GDPD4: variants seen among roughly 807,000 people sequenced by gnomAD.
The protein encoded by GDPD4 is glycerophosphodiester phosphodiesterase domain containing 4, also known as glycerophosphodiester phosphodiesterase 6.
In GDPD4, 60 loss-of-function variants were observed where a neutral mutation model predicts 67.8. The ratio of observed to expected loss-of-function variants is 0.88; its 90% CI spans 0.72 to 1.10. The LOEUF is 1.10. Among genes scored for constraint, GDPD4 ranks in the 50% least tolerant of loss-of-function variants. The pLI is 0.00. For missense variants in GDPD4, 623 were observed against 613.9 expected, an observed-to-expected ratio of 1.01 and a Z score of -0.16; for synonymous variants, 212 against 210.9, an observed-to-expected ratio of 1.00 and a Z score of -0.04.
chr11:77,230,283 A>G (rs1958428109), intron 14 of GDPD4, among the ~76,000 whole-genome samples: 2 of 152,202 alleles, frequency 1.3e-5, no homozygotes, highest in African/African-American at 2.4e-5. Context: ...TTGTTTCCCA[A>G]ATGGCTTAAG....
chr11:77,284,973 T>G, intron 3 of GDPD4, 112 bp downstream of exon 3: 1 of 784,946 alleles, frequency 1.3e-6, no homozygotes, highest in Non-Finnish European at 2.2e-6. Context: ...AAGCCCAGTT[T>G]TGTCCGCCTT....
intron 10 of GDPD4, among the ~76,000 whole-genome samples, chr11:77,264,791 G>A (rs112777406): frequency 2.6e-5 from 4 of 152,080 alleles, no homozygotes; most frequent in African/African-American, 4.8e-5. Flanking sequence ...AAAATATGAC[G>A]GCAGGAGACC....
intron 10 of GDPD4, among the ~76,000 whole-genome samples, chr11:77,262,671 T>C (rs531394510): frequency 3.3e-5 from 5 of 151,944 alleles, no homozygotes; most frequent in Admixed American, 6.6e-5. Flanking sequence ...CATGAGAATA[T>C]AGTTTCTTCA....
chr11:77,245,017 T>C (rs188273463), intron 12 of GDPD4, among the ~76,000 whole-genome samples: 2 of 152,326 alleles, frequency 1.3e-5, no homozygotes, highest in African/African-American at 4.8e-5. Context: ...ATTACACATA[T>C]TCCTCTTTAA....
At chr11:77,220,723 ATGAG>A in intron 16 of GDPD4, among the ~76,000 whole-genome samples, 1 of 152,320 alleles carries the variant, frequency 6.6e-6, no homozygotes, top group Middle Eastern at 3.4e-3. Context: ...GCCTCATAAA[ATGAG>A]TGAGGGAGGA....
chr11:77,276,150 AGATGTCCTAC>A lies in GDPD4; in HGVS notation c.207+1_207+10del. 1 of 1,607,748 alleles carries A rather than the reference AGATGTCCTAC, an allele frequency of 6.2e-7. No individual in the cohort carries two copies. Among genetic ancestry groups the A allele is most frequent in the South Asian group, 1.1e-5 (1 of 90,960 alleles). ...GGTCTAAGGTTTCCTATGTGGACTC[AGATGTCCTAC>A]CTTATGACACAAGTGCAGGTATAGT... On this transcript the variant is annotated splice_donor_variant and splice_donor_5th_base_variant and intron_variant, in intron 5 of 16. Transcript: ENST00000315938. LOFTEE classifies it high-confidence loss of function.
intron 16 of GDPD4, among the ~76,000 whole-genome samples, chr11:77,225,757 G>A (rs892564104): frequency 2.0e-5 from 3 of 152,098 alleles, no homozygotes; most frequent in Non-Finnish European, 4.4e-5. Context: ...GCATCAGTAG[G>A]TGCAGCAGTA....
intron 16 of GDPD4, among the ~76,000 whole-genome samples, chr11:77,226,556 G>GACTT (rs1958342257): frequency 6.6e-6 from 1 of 152,132 alleles, no homozygotes; most frequent in South Asian, 2.1e-4. Flanking sequence ...CCTTGATCTG[G>GACTT]GATTTCTAGC....
intron 3 of GDPD4, among the ~76,000 whole-genome samples, chr11:77,280,665 T>G (rs1437924690): frequency 6.6e-6 from 1 of 152,338 alleles, no homozygotes; most frequent in East Asian, 1.9e-4. Flanking sequence ...TAAATATTAC[T>G]ATTAGTTTGC....
At position 77,243,679 on chromosome 11, in the gene GDPD4, T is replaced by A. The variant is rs1186131301; in HGVS notation, c.1241+15A>T. On this transcript the variant is annotated intron_variant, in intron 13 of 16. Transcript: ENST00000315938. ...AAGGCAATATGTGCCAAGAGAGGTGTGGTCAAACACTTACCTTAACCCATT... is the reference window on the plus strand; with the variant it reads ...AAGGCAATATGTGCCAAGAGAGGTGAGGTCAAACACTTACCTTAACCCATT... The A allele has an allele frequency of 1.2e-6, 2 of 1,603,526 alleles. No homozygotes were observed. The highest frequency in any genetic ancestry group is 1.7e-6 in the Non-Finnish European group (2 of 1,170,798).
intron 5 of GDPD4, among the ~76,000 whole-genome samples, chr11:77,272,198 C>T (rs1959249323): frequency 6.6e-6 from 1 of 152,092 alleles, no homozygotes; most frequent in South Asian, 2.1e-4. Context: ...GAAATATTTC[C>T]AATCTTTAAC....
At chr11:77,223,095 A>G (rs1054959552) in intron 16 of GDPD4, among the ~76,000 whole-genome samples, 1 of 152,076 alleles carries the variant, frequency 6.6e-6, no homozygotes, top group Admixed American at 6.5e-5. Context: ...TCTTCTCTAC[A>G]CTGTTTATTC....
chr11:77,224,474 A>G (rs1958288540), intron 16 of GDPD4, among the ~76,000 whole-genome samples: 1 of 152,222 alleles, frequency 6.6e-6, no homozygotes, highest in Admixed American at 6.5e-5. Context: ...CTGGAGAGAT[A>G]TTCTGTTGTT....
At chr11:77,279,940 A>C (rs1959680671) in intron 3 of GDPD4, among the ~76,000 whole-genome samples, 1 of 152,224 alleles carries the variant, frequency 6.6e-6, no homozygotes, top group Non-Finnish European at 1.5e-5. Context: ...AAGAAATTTG[A>C]ATCTTCATCT....
intron 4 of GDPD4, 49 bp from the exon 5 acceptor site, chr11:77,276,269 G>A: frequency 2.8e-6 from 4 of 1,423,602 alleles, no homozygotes; most frequent in Non-Finnish European, 4.0e-6. Flanking sequence ...TCACCAAGTT[G>A]CCACCCAAAG....
intron 13 of GDPD4, among the ~76,000 whole-genome samples, chr11:77,235,965 C>CAAAAAA (rs60173558): frequency 8.2e-6 from 1 of 122,452 alleles, no homozygotes. Flanking sequence ...CTATTAAAAA[C>CAAAAAA]AAAAAAAAAA....
chr11:77,267,500 C>T (rs577639599), intron 10 of GDPD4, among the ~76,000 whole-genome samples: 4 of 152,208 alleles, frequency 2.6e-5, no homozygotes, highest in African/African-American at 4.8e-5. Context: ...TTAGCCATAC[C>T]GATAGATGAG....
chr11:77,298,198 C>CA (rs1938041357), intron 1 of GDPD4, among the ~76,000 whole-genome samples: 2 of 151,952 alleles, frequency 1.3e-5, no homozygotes, highest in Admixed American at 1.3e-4. Flanking sequence ...CCTTGCAAAT[C>CA]ATCTTTAAGT....
At chr11:77,231,329 A>G (rs1369743347) in intron 14 of GDPD4, among the ~76,000 whole-genome samples, 1 of 152,236 alleles carries the variant, frequency 6.6e-6, no homozygotes, top group Non-Finnish European at 1.5e-5. Context: ...GAAACAAAAA[A>G]GCCAAAAACC....
Sources: gnomAD v4.1 joint callset for allele counts (sites outside exome capture counted in the v4.1 genomes callset) on GRCh38, gnomAD v4.1.1 for gene constraint, MANE v1.5 for transcripts, NCBI Gene and HGNC (gene_info 2026-07-23, HGNC 2026-07-21) for gene names.